SLCO5A1: variants seen among roughly 807,000 people sequenced by gnomAD.
The protein encoded by SLCO5A1 is solute carrier organic anion transporter family member 5A1.
SLCO5A1 carries 39 observed loss-of-function variants against 65.1 expected under a neutral mutation model. That is an observed-to-expected ratio of 0.60 (90% CI 0.46 to 0.78). The LOEUF (loss-of-function observed/expected upper bound fraction) is 0.78, where lower values mean the gene tolerates loss of function less well. Ranked by LOEUF, SLCO5A1 falls within the 30% of genes least tolerant of loss-of-function variation. The pLI is 0.00. For missense variants in SLCO5A1, 1,029 were observed against 1,069.4 expected (o/e 0.96, Z 0.53); for synonymous variants, 438 against 415.7 (o/e 1.05, Z -0.65).
chr8:69,800,325 A>G (rs1363591801), intron 2 of SLCO5A1, among the ~76,000 whole-genome samples: 1 of 149,016 alleles, frequency 6.7e-6, no homozygotes, highest in African/African-American at 2.5e-5. Flanking sequence ...ACAATCACAA[A>G]TCACTGCAGC....
chr8:69,725,929 T>C (rs1025812380), intron 5 of SLCO5A1, among the ~76,000 whole-genome samples: 1 of 152,232 alleles, frequency 6.6e-6, no homozygotes, highest in African/African-American at 2.4e-5. Flanking sequence ...ACATATAATA[T>C]TTTTTATGAC....
chr8:69,687,305 G>C (rs1814044211), intron 6 of SLCO5A1, among the ~76,000 whole-genome samples: 1 of 152,146 alleles, frequency 6.6e-6, no homozygotes, highest in African/African-American at 2.4e-5. Context: ...AGGAGAGTAA[G>C]ACTAATCAAC....
chr8:69,677,625 A>G (rs551573915), intron 8 of SLCO5A1, among the ~76,000 whole-genome samples: 1 of 152,274 alleles, frequency 6.6e-6, no homozygotes, highest in African/African-American at 2.4e-5. Flanking sequence ...ACAGGTTGTT[A>G]TTCCATAAAT....
At chr8:69,823,384 G>A (rs186188789) in intron 2 of SLCO5A1, among the ~76,000 whole-genome samples, 10 of 152,166 alleles carry the variant, frequency 6.6e-5, no homozygotes, top group African/African-American at 9.7e-5. Flanking sequence ...CCCATCTCAC[G>A]TGCAGAGACA....
intron 2 of SLCO5A1, among the ~76,000 whole-genome samples, chr8:69,801,159 A>G (rs1257225313): frequency 6.6e-6 from 1 of 152,230 alleles, no homozygotes; most frequent in Non-Finnish European, 1.5e-5. Context: ...TACACAGCTC[A>G]CATCCTAAGT....
At chr8:69,676,491 G>T in intron 9 of SLCO5A1, 118 bp downstream of exon 9, 3 of 767,342 alleles carry the variant, frequency 3.9e-6, no homozygotes, top group Non-Finnish European at 6.4e-6. Context: ...CTCACCACTA[G>T]CCTGTAAAAT....
intron 6 of SLCO5A1, among the ~76,000 whole-genome samples, chr8:69,687,867 A>G (rs2933073): frequency 0.38 from 56,749 of 151,288 alleles, 10,744 homozygotes; most frequent in South Asian, 0.55. Flanking sequence ...TAACATATAC[A>G]TAATCATAAT....
chr8:69,797,626 C>T (rs186700788), intron 2 of SLCO5A1, among the ~76,000 whole-genome samples: 197 of 152,204 alleles, frequency 1.3e-3, no homozygotes, highest in African/African-American at 4.1e-3. Flanking sequence ...CACTTCGTGG[C>T]GGGGGGTGGC....
At chr8:69,810,226 C>A (rs925654014) in intron 2 of SLCO5A1, among the ~76,000 whole-genome samples, 2 of 152,184 alleles carry the variant, frequency 1.3e-5, no homozygotes, top group African/African-American at 4.8e-5. Flanking sequence ...GCAAAAGTCG[C>A]AGCTAAGATC....
At chr8:69,700,394 G>A (rs1013110885) in intron 6 of SLCO5A1, 2 of 152,128 alleles carry the variant, frequency 1.3e-5, no homozygotes, top group African/African-American at 2.4e-5. Context: ...TGACAGAGGA[G>A]GATCATTCTT....
chr8:69,707,880 T>C, intron 5 of SLCO5A1, among the ~76,000 whole-genome samples: 1 of 152,104 alleles, frequency 6.6e-6, no homozygotes, highest in Non-Finnish European at 1.5e-5. Context: ...TGGCCCCCAT[T>C]GTAGACTTGT....
intron 5 of SLCO5A1, chr8:69,713,875 T>C (rs1455517072): frequency 6.6e-6 from 1 of 152,256 alleles, no homozygotes; most frequent in African/African-American, 2.4e-5. Flanking sequence ...AAGACATCTT[T>C]TCCTCTTGCT....
At chr8:69,807,873 T>C (rs914319494) in intron 2 of SLCO5A1, among the ~76,000 whole-genome samples, 1 of 151,966 alleles carries the variant, frequency 6.6e-6, no homozygotes, top group Non-Finnish European at 1.5e-5. Context: ...CCAGGTAATT[T>C]TTTGTATTTT....
chr8:69,784,397 A>G (rs1391017263), intron 2 of SLCO5A1, among the ~76,000 whole-genome samples: 2 of 152,206 alleles, frequency 1.3e-5, no homozygotes, highest in African/African-American at 4.8e-5. Context: ...ATCAAGTAGT[A>G]GCAAGGATGT....
At chr8:69,719,798 C>G (rs1165205777) in intron 5 of SLCO5A1, 1 of 152,254 alleles carries the variant, frequency 6.6e-6, no homozygotes, top group East Asian at 1.9e-4. Flanking sequence ...GTCACAGCAG[C>G]CTTTGTTCTC....
chr8:69,810,261 G>T (rs1017579239), intron 2 of SLCO5A1, among the ~76,000 whole-genome samples: 2 of 152,210 alleles, frequency 1.3e-5, no homozygotes, highest in African/African-American at 4.8e-5. Context: ...ACTAGCATCT[G>T]CAGGGACTGG....
intron 5 of SLCO5A1, among the ~76,000 whole-genome samples, chr8:69,706,056 T>A (rs1273708731): frequency 6.6e-6 from 1 of 152,192 alleles, no homozygotes; most frequent in African/African-American, 2.4e-5. Flanking sequence ...AAATATATCA[T>A]ATATGGTATG....
chr8:69,787,249 A>C (rs537337191), intron 2 of SLCO5A1, among the ~76,000 whole-genome samples: 8 of 152,356 alleles, frequency 5.3e-5, no homozygotes, highest in African/African-American at 1.7e-4. Context: ...ACGTGGCCTA[A>C]ATTGACAAAT....
At chr8:69,820,485 T>C (rs191005130) in intron 2 of SLCO5A1, among the ~76,000 whole-genome samples, 25 of 152,286 alleles carry the variant, frequency 1.6e-4, no homozygotes, top group Middle Eastern at 3.4e-3. Flanking sequence ...AATAAAATTG[T>C]ATAGATATTG....
Sources: gnomAD v4.1 joint callset for allele counts (sites outside exome capture counted in the v4.1 genomes callset) on GRCh38, gnomAD v4.1.1 for gene constraint, MANE v1.5 for transcripts, NCBI Gene and HGNC (gene_info 2026-07-23, HGNC 2026-07-21) for gene names.